The following SLC24A2 variants were observed in gnomAD, a reference collection of about 807,000 sequenced individuals.
SLC24A2 encodes the protein solute carrier family 24 member 2, also known as sodium/potassium/calcium exchanger 2.
A neutral mutation model predicts 62.0 loss-of-function variants in SLC24A2; 36 were observed. That is an observed-to-expected ratio of 0.58 (90% confidence interval 0.44 to 0.77). SLC24A2 has a LOEUF of 0.77. Among genes scored for constraint, SLC24A2 ranks in the 30% least tolerant of loss-of-function variants. The pLI, the probability that SLC24A2 is intolerant of heterozygous loss-of-function variation, is 0.00. For missense variants in SLC24A2, 846 were observed against 817.9 expected, an observed-to-expected ratio of 1.03 and a Z score of -0.42; for synonymous variants, 358 against 294.0, an observed-to-expected ratio of 1.22 and a Z score of -2.23.
chr9:19,828,849 T>G, the SLC24A2 span, among the ~76,000 whole-genome samples: 6 of 151,792 alleles, frequency 4.0e-5, no homozygotes, highest in African/African-American at 1.5e-4. Flanking sequence ...GAGGGGAGGG[T>G]CTGCTTGCTG....
the SLC24A2 span, among the ~76,000 whole-genome samples, chr9:20,078,905 A>G: frequency 6.6e-6 from 1 of 152,344 alleles, no homozygotes; most frequent in African/African-American, 2.4e-5. Context: ...GTATAATTAT[A>G]CTTCCTGGAA....
chr9:20,028,463 T>A, the SLC24A2 span, among the ~76,000 whole-genome samples: 1 of 152,192 alleles, frequency 6.6e-6, no homozygotes, highest in African/African-American at 2.4e-5. Flanking sequence ...TAAATTTCCA[T>A]CTGTCTAAAA....
chr9:20,248,474 G>T, the SLC24A2 span, among the ~76,000 whole-genome samples: 1 of 152,146 alleles, frequency 6.6e-6, no homozygotes, highest in Admixed American at 6.5e-5. Context: ...CCCTTTTCCT[G>T]GTTTTTAGAT....
At chr9:20,249,565 C>T in the SLC24A2 span, among the ~76,000 whole-genome samples, 10 of 151,986 alleles carry the variant, frequency 6.6e-5, no homozygotes, top group African/African-American at 1.9e-4. Flanking sequence ...AAGTAGCTGA[C>T]GTGGTGGCGG....
chr9:20,133,550 T>A, the SLC24A2 span, among the ~76,000 whole-genome samples: 2 of 152,192 alleles, frequency 1.3e-5, no homozygotes, highest in East Asian at 3.9e-4. Flanking sequence ...GCAGTTTCTC[T>A]AAATTGTCAA....
chr9:20,135,561 T>G, the SLC24A2 span, among the ~76,000 whole-genome samples: 2 of 152,038 alleles, frequency 1.3e-5, no homozygotes, highest in Admixed American at 1.3e-4. Flanking sequence ...AAGTATTAAC[T>G]GCGATAACAT....
At chr9:20,184,368 G>T in the SLC24A2 span, among the ~76,000 whole-genome samples, 1 of 151,978 alleles carries the variant, frequency 6.6e-6, no homozygotes, top group African/African-American at 2.4e-5. Context: ...TGGCCAACAT[G>T]GTGAAACCCT....
At chr9:20,093,922 A>C in the SLC24A2 span, among the ~76,000 whole-genome samples, 1 of 152,214 alleles carries the variant, frequency 6.6e-6, no homozygotes, top group Non-Finnish European at 1.5e-5. Context: ...TGTAGCCCAT[A>C]AATATATACA....
intron 6 of SLC24A2, among the ~76,000 whole-genome samples, chr9:19,576,533 G>A (rs1055267265): frequency 6.6e-6 from 1 of 152,186 alleles, no homozygotes; most frequent in Non-Finnish European, 1.5e-5. Flanking sequence ...CTTACAGAAA[G>A]GGGACTCTCA....
At chr9:19,775,222 T>A (rs1822811019) in intron 2 of SLC24A2, among the ~76,000 whole-genome samples, 1 of 152,226 alleles carries the variant, frequency 6.6e-6, no homozygotes, top group South Asian at 2.1e-4. Flanking sequence ...ACAAATCCAA[T>A]CCTTCATAAA....
the SLC24A2 span, among the ~76,000 whole-genome samples, chr9:19,940,138 T>G: frequency 1.3e-5 from 2 of 152,234 alleles, no homozygotes; most frequent in African/African-American, 4.8e-5. Context: ...AAGCTGTAAG[T>G]GGCACCGCTT....
the SLC24A2 span, among the ~76,000 whole-genome samples, chr9:19,920,970 A>G: frequency 6.6e-6 from 1 of 152,152 alleles, no homozygotes; most frequent in East Asian, 1.9e-4. Flanking sequence ...AAATAAAGAT[A>G]ATCATATTAC....
At chr9:20,000,882 G>C in the SLC24A2 span, among the ~76,000 whole-genome samples, 349 of 152,314 alleles carry the variant, frequency 2.3e-3, 2 homozygotes, top group African/African-American at 7.9e-3. Flanking sequence ...ATGTATGAGA[G>C]GGTGTGGAGG....
At chr9:20,101,254 A>G in the SLC24A2 span, among the ~76,000 whole-genome samples, 1 of 152,382 alleles carries the variant, frequency 6.6e-6, no homozygotes, top group South Asian at 2.1e-4. Flanking sequence ...GAGCCAAGGC[A>G]GATGCTGGAG....
At chr9:20,280,320 C>G in the SLC24A2 span, among the ~76,000 whole-genome samples, 3 of 152,162 alleles carry the variant, frequency 2.0e-5, no homozygotes, top group African/African-American at 7.2e-5. Flanking sequence ...CCTTGTTAGT[C>G]ATTGGCCTTC....
At chr9:19,770,337 T>G (rs1385478509) in intron 2 of SLC24A2, among the ~76,000 whole-genome samples, 1 of 152,110 alleles carries the variant, frequency 6.6e-6, no homozygotes, top group African/African-American at 2.4e-5. Flanking sequence ...ATTAAAATCA[T>G]ACCCAAATAT....
At chr9:19,923,950 G>C in the SLC24A2 span, among the ~76,000 whole-genome samples, 1 of 152,118 alleles carries the variant, frequency 6.6e-6, no homozygotes, top group Non-Finnish European at 1.5e-5. Flanking sequence ...GTTTCACCAG[G>C]CTGGTCTCGA....
At chr9:19,600,858 T>A (rs1027600377) in intron 4 of SLC24A2, among the ~76,000 whole-genome samples, 1 of 152,088 alleles carries the variant, frequency 6.6e-6, no homozygotes, top group Non-Finnish European at 1.5e-5. Flanking sequence ...GAGCGTAGGA[T>A]TGAATATGCA....
the SLC24A2 span, among the ~76,000 whole-genome samples, chr9:20,169,736 A>G: frequency 6.6e-6 from 1 of 151,990 alleles, no homozygotes; most frequent in Non-Finnish European, 1.5e-5. Context: ...AGAAGAAACC[A>G]GAAAACCGAC....
Sources: allele counts gnomAD v4.1 joint callset (sites outside exome capture counted in the v4.1 genomes callset), GRCh38; gene constraint gnomAD v4.1.1; transcripts MANE v1.5; gene names NCBI Gene and HGNC (gene_info 2026-07-23, HGNC 2026-07-21).